TMPRSS15: variants seen among roughly 807,000 people sequenced by gnomAD.
TMPRSS15 encodes enteropeptidase.
TMPRSS15 carries 128 observed loss-of-function variants against 125.3 expected under a neutral mutation model. The observed-to-expected ratio is 1.02, with a 90% CI of 0.89 to 1.18. TMPRSS15 has a LOEUF of 1.18. TMPRSS15 is among the 50% of genes most tolerant of loss of function. The pLI is 0.00. For synonymous variants in TMPRSS15, 446 were observed against 423.2 expected (o/e 1.05, Z -0.66); for missense variants, 1,283 against 1,212.7 (o/e 1.06, Z -0.86).
At chr21:18,403,966 A>C (rs2076123442), upstream of TMPRSS15, among the ~76,000 whole-genome samples, 1 of 152,228 alleles carries the variant, frequency 6.6e-6, no homozygotes, top group Non-Finnish European at 1.5e-5. Context: ...AGAACTATTA[A>C]GAAAAATGTG....
chr21:18,286,277 C>G (rs1470940093), intron 21 of TMPRSS15, among the ~76,000 whole-genome samples: 1 of 152,118 alleles, frequency 6.6e-6, no homozygotes, highest in African/African-American at 2.4e-5. Context: ...TCTTTTATAT[C>G]TACACTGGCC....
chr21:18,455,859 A>G (rs1978432499), intron 1 of TMPRSS15, among the ~76,000 whole-genome samples: 1 of 152,182 alleles, frequency 6.6e-6, no homozygotes, highest in Non-Finnish European at 1.5e-5. Context: ...ACCAAATCCA[A>G]AAGGAAATAG....
chr21:18,318,333 G>A (rs2075195625), intron 16 of TMPRSS15, among the ~76,000 whole-genome samples: 1 of 152,180 alleles, frequency 6.6e-6, no homozygotes. Flanking sequence ...GCTCTGAAGA[G>A]CTCACAAGTC....
chr21:18,331,954 C>T, intron 14 of TMPRSS15, 130 bp downstream of exon 14: 1 of 753,674 alleles, frequency 1.3e-6, no homozygotes, highest in Non-Finnish European at 2.4e-6. Flanking sequence ...TTATATTAAG[C>T]AATCTTATAG....
intron 3 of TMPRSS15, among the ~76,000 whole-genome samples, chr21:18,393,757 T>G (rs1328237748): frequency 6.6e-6 from 1 of 152,184 alleles, no homozygotes; most frequent in East Asian, 1.9e-4. Context: ...AATTTATTAT[T>G]AATGTCTGTT....
At chr21:18,453,889 C>T (rs1013057431) in intron 1 of TMPRSS15, among the ~76,000 whole-genome samples, 5 of 152,104 alleles carry the variant, frequency 3.3e-5, no homozygotes, top group East Asian at 1.9e-4. Context: ...ATGAAATTAG[C>T]CAATCACAGA....
Position 18,449,583 on chromosome 21 carries a change from A to T in TMPRSS15, c.10+36216T>A, listed in dbSNP as rs573978347. ...CTCTGTAAGATGGGATACTAATTGA[A>T]CCTCCTTCTGTAGGCATTTGTGACT... On this transcript the variant is annotated intron_variant, in intron 1 of 7. Coordinates refer to the TMPRSS15 transcript ENST00000422787. Among the ~76,000 whole-genome samples the T allele has an allele frequency of 1.3e-4, 20 of 151,984 alleles. 1 individual carries two copies. In the South Asian group the frequency reaches 4.2e-3, roughly 32 times the overall value.
chr21:18,485,305 T>C (rs1438917312), intron 1 of TMPRSS15, among the ~76,000 whole-genome samples: 1 of 151,904 alleles, frequency 6.6e-6, no homozygotes, highest in Non-Finnish European at 1.5e-5. Flanking sequence ...AATCTTTATG[T>C]ATTTTTTCTT....
rs375407443 is a variant in TMPRSS15 at position 18,403,469 on chromosome 21, G to A, written c.145+9C>T. On this transcript the variant is annotated intron_variant, in intron 1 of 24. Transcript: ENST00000284885. ...GAGCACCTTCACGAGCCAACTCCAT[G>A]TGACTTACCTCGTTGGGATTCCTTG... 3 of 1,613,936 alleles carry A rather than the reference G, an allele frequency of 1.9e-6. No individual in the cohort carries two copies. In the African/African-American group the frequency reaches 4.0e-5, roughly 22 times the overall value.
intron 1 of TMPRSS15, among the ~76,000 whole-genome samples, chr21:18,441,281 C>CAAACAAAACAAAACAAAACAAAACA (rs371605283): frequency 1.9e-4 from 28 of 149,282 alleles, no homozygotes; most frequent in African/African-American, 5.7e-4. Flanking sequence ...AACTCCGTCT[C>CAAACAAAACAAAACAAAACAAAACA]AAACAAAACA....
intron 21 of TMPRSS15, among the ~76,000 whole-genome samples, chr21:18,291,625 G>A (rs2074836050): frequency 6.6e-6 from 1 of 152,106 alleles, no homozygotes; most frequent in African/African-American, 2.4e-5. Context: ...GGCTTTTAAA[G>A]AGACAGATAA....
chr21:18,278,932 T>G (rs759205218), intron 23 of TMPRSS15, 32 bp downstream of exon 23: 2 of 890,458 alleles, frequency 2.2e-6, no homozygotes, highest in Non-Finnish European at 3.4e-6. Context: ...AGGTTTTTTT[T>G]TTTTTTTTTT....
At chr21:18,346,975 G>A (rs1601368427) in intron 10 of TMPRSS15, among the ~76,000 whole-genome samples, 2 of 152,120 alleles carry the variant, frequency 1.3e-5, no homozygotes, top group East Asian at 3.8e-4. Context: ...TTTCCATAGA[G>A]CACTTCTGCA....
chr21:18,287,345 A>G (rs2074777758), intron 21 of TMPRSS15, among the ~76,000 whole-genome samples: 1 of 152,188 alleles, frequency 6.6e-6, no homozygotes, highest in Admixed American at 6.5e-5. Context: ...GTTGCGTATC[A>G]ATCCACATAA....
At chr21:18,457,082 T>A (rs1978455772) in intron 1 of TMPRSS15, among the ~76,000 whole-genome samples, 1 of 152,124 alleles carries the variant, frequency 6.6e-6, no homozygotes, top group African/African-American at 2.4e-5. Flanking sequence ...GTAAAGTACT[T>A]GACCTATCTA....
At chr21:18,478,381 A>T (rs1382518256) in intron 1 of TMPRSS15, among the ~76,000 whole-genome samples, 1 of 151,948 alleles carries the variant, frequency 6.6e-6, no homozygotes, top group Non-Finnish European at 1.5e-5. Flanking sequence ...GTTTAAGACA[A>T]CTTTTCATTT....
At chr21:18,310,062 T>C (rs2075082863) in intron 18 of TMPRSS15, among the ~76,000 whole-genome samples, 1 of 152,004 alleles carries the variant, frequency 6.6e-6, no homozygotes. Flanking sequence ...GGAACGTACC[T>C]CAACACAATA....
At chr21:18,275,845 ATCAGCTTG>A (rs1333944310) in intron 23 of TMPRSS15, among the ~76,000 whole-genome samples, 1 of 152,192 alleles carries the variant, frequency 6.6e-6, no homozygotes, top group Non-Finnish European at 1.5e-5. Context: ...TCTAGGGGCA[ATCAGCTTG>A]TCATGCATAC....
Position 18,326,476 on chromosome 21 carries a change from CCT to C in TMPRSS15, c.1875_1876del (p.Gly626ValfsTer2). The C allele has an allele frequency of 1.2e-6, 2 of 1,614,110 alleles. No individual in the cohort carries two copies. Among genetic ancestry groups the C allele is most frequent in the Non-Finnish European group, 1.7e-6 (2 of 1,180,000 alleles). ...GCCAGTAGTAAAGTTTGCTTTAAAC[CCT>C]CCTCTTGCCAACACATCGTTAGTGA... On this transcript the variant is annotated frameshift_variant, in exon 16 of 25. Transcript: ENST00000284885. LOFTEE classifies it high-confidence loss of function.
Sources: gnomAD v4.1 joint callset for allele counts (sites outside exome capture counted in the v4.1 genomes callset) on GRCh38, gnomAD v4.1.1 for gene constraint, MANE v1.5 for transcripts, NCBI Gene and HGNC (gene_info 2026-07-23, HGNC 2026-07-21) for gene names.